Variants in EYS observed in about 807,000 individuals in gnomAD.
EYS encodes protein eyes shut homolog.
A neutral mutation model predicts 282.1 loss-of-function variants in EYS; 250 were observed. The ratio of observed to expected loss-of-function variants is 0.89; its 90% CI spans 0.80 to 0.98. EYS has a LOEUF of 0.98. EYS is among the 50% of genes least tolerant of loss of function. The pLI is 0.00. For synonymous variants in EYS, 1,355 were observed against 1,282.9 expected (o/e 1.06, Z -1.20); for missense variants, 4,016 against 3,709.0 (o/e 1.08, Z -2.15).
intron 26 of EYS, among the ~76,000 whole-genome samples, chr6:64,524,027 C>G (rs1388085766): frequency 6.6e-6 from 1 of 151,528 alleles, no homozygotes; most frequent in Non-Finnish European, 1.5e-5. Context: ...GTACTTTTTA[C>G]TTATCATCCA....
At chr6:64,922,612 AAT>A (rs1768383147) in intron 15 of EYS, among the ~76,000 whole-genome samples, 1 of 152,216 alleles carries the variant, frequency 6.6e-6, no homozygotes, top group Non-Finnish European at 1.5e-5. Context: ...TTCCAGAAAA[AAT>A]AGAGGATAAA....
chr6:64,718,911 C>T (rs530747421), intron 22 of EYS, among the ~76,000 whole-genome samples: 1 of 152,282 alleles, frequency 6.6e-6, no homozygotes, highest in African/African-American at 2.4e-5. Flanking sequence ...GAAAAGTGGA[C>T]TTTGCCAATG....
chr6:63,851,133 A>G (rs1772238640), intron 36 of EYS, among the ~76,000 whole-genome samples: 1 of 152,242 alleles, frequency 6.6e-6, no homozygotes, highest in African/African-American at 2.4e-5. Context: ...ACTATTCTAA[A>G]TATATACGCA....
At chr6:64,534,118 A>T (rs1332272976) in intron 26 of EYS, among the ~76,000 whole-genome samples, 3 of 151,772 alleles carry the variant, frequency 2.0e-5, no homozygotes, top group African/African-American at 7.2e-5. Flanking sequence ...GTCAAAAATC[A>T]TCAAACCTAA....
chr6:64,812,136 C>A (rs1379883981), intron 22 of EYS, among the ~76,000 whole-genome samples: 5 of 151,706 alleles, frequency 3.3e-5, no homozygotes, highest in Admixed American at 2.6e-4. Context: ...TATATAATTT[C>A]CATTTGTATA....
chr6:64,476,526 A>G (rs1278446426), intron 26 of EYS, among the ~76,000 whole-genome samples: 2 of 152,134 alleles, frequency 1.3e-5, no homozygotes, highest in African/African-American at 4.8e-5. Flanking sequence ...TGAAAAAAAT[A>G]TAGAAAATAT....
chr6:63,901,082 C>G (rs566110305), intron 35 of EYS, among the ~76,000 whole-genome samples: 1 of 152,234 alleles, frequency 6.6e-6, no homozygotes, highest in East Asian at 1.9e-4. Flanking sequence ...ATATAGCATA[C>G]AAACAGTCAA....
intron 23 of EYS, among the ~76,000 whole-genome samples, chr6:64,621,887 A>G (rs1345682635): frequency 3.3e-5 from 5 of 152,146 alleles, no homozygotes; most frequent in Admixed American, 3.3e-4. Context: ...TATCACTTTC[A>G]ATTTGCTCTT....
chr6:64,993,113 C>T (rs777099003), intron 14 of EYS, among the ~76,000 whole-genome samples: 33 of 152,086 alleles, frequency 2.2e-4, no homozygotes, highest in Middle Eastern at 3.4e-3. Context: ...AAGGCTGTTC[C>T]CCATTAATTC....
chr6:64,767,123 G>T (rs1232942927), intron 22 of EYS, among the ~76,000 whole-genome samples: 5 of 151,576 alleles, frequency 3.3e-5, no homozygotes, highest in African/African-American at 1.2e-4. Context: ...TTTTACATTA[G>T]TTTTCATAAG....
intron 28 of EYS, among the ~76,000 whole-genome samples, chr6:64,400,916 A>C (rs933593902): frequency 1.3e-5 from 2 of 151,966 alleles, no homozygotes; most frequent in African/African-American, 4.8e-5. Flanking sequence ...ATCACTAACT[A>C]CTCTCCACTA....
At chr6:65,686,330 C>T (rs373760133) in intron 1 of EYS, among the ~76,000 whole-genome samples, 1 of 152,082 alleles carries the variant, frequency 6.6e-6, no homozygotes, top group East Asian at 1.9e-4. Flanking sequence ...TAATATGGGA[C>T]AGAAAAGACT....
chr6:64,434,883 G>C lies in EYS; in HGVS notation c.5927+1291C>G, dbSNP rs1316296112. Among the ~76,000 whole-genome samples the C allele has an allele frequency of 4.6e-5, 7 of 151,876 alleles. No homozygotes were observed. In the East Asian group the frequency reaches 1.4e-3, roughly 29 times the overall value. On this transcript the variant is annotated intron_variant, in intron 28 of 42. Coordinates refer to ENST00000503581, the MANE Select transcript of EYS (RefSeq NM_001142800.2). ...CCTGAGGCCAGAACAGCTTCTGTGG[G>C]TTTTCCCTCTGTCTCTTCATGATAC...
intron 29 of EYS, among the ~76,000 whole-genome samples, chr6:64,377,495 C>G (rs1370495163): frequency 6.6e-6 from 1 of 152,028 alleles, no homozygotes; most frequent in East Asian, 1.9e-4. Context: ...TAAAGTCAGG[C>G]CATTCAGCCT....
chr6:64,854,694 T>G (rs1303028969), intron 19 of EYS, among the ~76,000 whole-genome samples: 1 of 151,938 alleles, frequency 6.6e-6, no homozygotes, highest in Admixed American at 6.6e-5. Flanking sequence ...TATACATATG[T>G]AACTAACCTG....
intron 22 of EYS, among the ~76,000 whole-genome samples, chr6:64,644,611 A>G (rs1031652200): frequency 1.5e-4 from 23 of 152,228 alleles, no homozygotes; most frequent in African/African-American, 4.6e-4. Flanking sequence ...TTTTAAATAC[A>G]CTAATATCCA....
At chr6:63,765,892 A>G (rs1400218116) in intron 40 of EYS, among the ~76,000 whole-genome samples, 1 of 151,990 alleles carries the variant, frequency 6.6e-6, no homozygotes, top group Admixed American at 6.6e-5. Context: ...AAGTGAGAAT[A>G]TGTGATGTTT....
rs1446234134 is a variant in EYS, at chr6:64,372,151, T to G, written c.6078+16539A>C. Among the ~76,000 whole-genome samples the G allele has an allele frequency of 2.4e-3, 282 of 119,176 alleles. 2 individuals carry two copies. The highest frequency in any genetic ancestry group is 3.3e-3 in the Non-Finnish European group (178 of 53,578). 78.2% of individuals were successfully genotyped at this position (119,176 alleles called of 152,430 possible). On this transcript the variant is annotated intron_variant, in intron 29 of 42. Transcript: ENST00000503581. ...TTGTGTTTTTTTTTTTTTTTTTTTT[T>G]TTTTTTTTTGTAGTGGCCAGGAATG...
intron 11 of EYS, among the ~76,000 whole-genome samples, chr6:65,320,764 A>G (rs564173311): frequency 6.6e-6 from 1 of 152,118 alleles, no homozygotes; most frequent in South Asian, 2.1e-4. Context: ...GGTTGCCTTA[A>G]GGTGGCCCTT....
Sources: gnomAD v4.1 joint callset for allele counts (sites outside exome capture counted in the v4.1 genomes callset) on GRCh38, gnomAD v4.1.1 for gene constraint, MANE v1.5 for transcripts, NCBI Gene and HGNC (gene_info 2026-07-23, HGNC 2026-07-21) for gene names.